The following FAM117A variants were observed in gnomAD, a reference collection of about 807,000 sequenced individuals.
The protein encoded by FAM117A is family with sequence similarity 117 member A, also known as protein FAM117A.
A neutral mutation model predicts 44.1 loss-of-function variants in FAM117A; 21 were observed. That is an observed-to-expected ratio of 0.48 (90% CI 0.34 to 0.69). FAM117A has a LOEUF of 0.69. FAM117A is among the 30% of genes least tolerant of loss of function. FAM117A has a pLI of 0.01. For synonymous variants in FAM117A, 220 were observed against 238.3 expected (o/e 0.92, Z 0.71); for missense variants, 498 against 589.9 (o/e 0.84, Z 1.61).
intron 1 of FAM117A, among the ~76,000 whole-genome samples, chr17:49,762,453 G>C (rs1015840969): frequency 6.6e-6 from 1 of 152,216 alleles, no homozygotes; most frequent in Non-Finnish European, 1.5e-5. Context: ...ATTTGACCAA[G>C]TTTCTGCATC....
chr17:49,725,688 G>A (rs553266096), intron 2 of FAM117A, among the ~76,000 whole-genome samples: 1 of 152,340 alleles, frequency 6.6e-6, no homozygotes, highest in African/African-American at 2.4e-5. Context: ...AGTGTGGCTG[G>A]AGCAGAGTGT....
At chr17:49,726,707 T>G (rs940412537) in intron 2 of FAM117A, among the ~76,000 whole-genome samples, 8 of 152,118 alleles carry the variant, frequency 5.3e-5, no homozygotes, top group Admixed American at 5.2e-4. Context: ...CCAGGTGCGG[T>G]GGCTCATGCC....
At chr17:49,773,077 G>A (rs910472840) in intron 1 of FAM117A, among the ~76,000 whole-genome samples, 1 of 150,534 alleles carries the variant, frequency 6.6e-6, no homozygotes, top group Non-Finnish European at 1.5e-5. Flanking sequence ...AGGCTGAGGC[G>A]AGTGGATCAC....
chr17:49,782,458 A>C (rs1219532324), intron 1 of FAM117A, among the ~76,000 whole-genome samples: 1 of 151,430 alleles, frequency 6.6e-6, no homozygotes, highest in Non-Finnish European at 1.5e-5. Flanking sequence ...GGGAGGCCAA[A>C]GCGGGTAGAT....
intron 1 of FAM117A, among the ~76,000 whole-genome samples, chr17:49,788,149 C>T (rs1373764042): frequency 6.6e-6 from 1 of 152,218 alleles, no homozygotes; most frequent in Non-Finnish European, 1.5e-5. Context: ...TCTCCTCTAC[C>T]AGACAGGAAA....
chr17:49,760,762 T>C (rs2073719618), intron 1 of FAM117A, among the ~76,000 whole-genome samples: 1 of 152,212 alleles, frequency 6.6e-6, no homozygotes, highest in Admixed American at 6.5e-5. Flanking sequence ...AGTCCTATTT[T>C]GTCCTTCATC....
At chr17:49,763,868 G>T in intron 1 of FAM117A, 24 bp downstream of exon 1, 1 of 1,072,510 alleles carries the variant, frequency 9.3e-7, no homozygotes, top group Non-Finnish European at 1.1e-6. Flanking sequence ...TCCTTCCACG[G>T]CACCCGCTCC....
chr17:49,753,260 G>C (rs1056685313), intron 1 of FAM117A, among the ~76,000 whole-genome samples: 6 of 152,238 alleles, frequency 3.9e-5, no homozygotes, highest in Admixed American at 3.9e-4. Context: ...TGCTGGGCAG[G>C]TGGCAGTGGA....
chr17:49,787,987 T>C (rs1409039274), intron 1 of FAM117A, among the ~76,000 whole-genome samples: 1 of 152,114 alleles, frequency 6.6e-6, no homozygotes, highest in Non-Finnish European at 1.5e-5. Flanking sequence ...CCCCCAGTGG[T>C]CTCAAACCCA....
chr17:49,756,847 G>A (rs1162892886), intron 1 of FAM117A, among the ~76,000 whole-genome samples: 1 of 151,432 alleles, frequency 6.6e-6, no homozygotes, highest in African/African-American at 2.4e-5. Flanking sequence ...ACCCAGAGAG[G>A]TGGAGGTTTC....
intron 1 of FAM117A, among the ~76,000 whole-genome samples, chr17:49,779,591 C>G (rs2073784161): frequency 6.6e-6 from 1 of 152,208 alleles, no homozygotes; most frequent in Non-Finnish European, 1.5e-5. Context: ...ATGTGTACCC[C>G]CCATTTAAAT....
intron 1 of FAM117A, among the ~76,000 whole-genome samples, chr17:49,751,055 G>A (rs1348887789): frequency 6.6e-6 from 1 of 151,284 alleles, no homozygotes; most frequent in African/African-American, 2.4e-5. Flanking sequence ...CGAGGCAGGC[G>A]GATCACCTGA....
intron 2 of FAM117A, among the ~76,000 whole-genome samples, chr17:49,727,716 C>T (rs1463772066): frequency 6.6e-6 from 1 of 152,168 alleles, no homozygotes; most frequent in Non-Finnish European, 1.5e-5. Flanking sequence ...AGCTGAAAAC[C>T]CTCCAAACTG....
upstream of FAM117A, chr17:49,788,885 A>G: frequency 3.2e-6 from 5 of 1,556,070 alleles, no homozygotes; most frequent in Non-Finnish European, 4.4e-6. Flanking sequence ...CGGGTTTCTA[A>G]GGACAGTCGA....
chr17:49,784,853 G>A (rs2073800879), intron 1 of FAM117A, among the ~76,000 whole-genome samples: 1 of 152,190 alleles, frequency 6.6e-6, no homozygotes, highest in Non-Finnish European at 1.5e-5. Context: ...GGGGAAAGTT[G>A]GTGTTTTGTC....
chr17:49,726,057 G>A (rs1482165101), intron 2 of FAM117A, among the ~76,000 whole-genome samples: 4 of 152,152 alleles, frequency 2.6e-5, no homozygotes, highest in Non-Finnish European at 5.9e-5. Flanking sequence ...TCTCAGCCCA[G>A]TGAAACAGAA....
chr17:49,763,123 T>TACACGC (rs1555598374), intron 1 of FAM117A, among the ~76,000 whole-genome samples: 1 of 141,068 alleles, frequency 7.1e-6, no homozygotes, highest in Non-Finnish European at 1.5e-5. Flanking sequence ...TCCCCCCCGC[T>TACACGC]ACACACACAC....
intron 1 of FAM117A, among the ~76,000 whole-genome samples, chr17:49,734,553 C>T (rs2073602082): frequency 6.6e-6 from 1 of 151,988 alleles, no homozygotes; most frequent in Admixed American, 6.6e-5. Flanking sequence ...GATAGCGCCA[C>T]TGCAGTCCAG....
chr17:49,732,793 CTAAGAGATGTGG>C (rs950125869), intron 1 of FAM117A, 73 bp from the exon 2 acceptor site: 2 of 1,502,280 alleles, frequency 1.3e-6, no homozygotes, highest in Admixed American at 1.9e-5. Context: ...CCTTCCTCTT[CTAAGAGATGTGG>C]CCTGCCTGCC....
Sources: gnomAD v4.1 joint callset for allele counts (sites outside exome capture counted in the v4.1 genomes callset) on GRCh38, gnomAD v4.1.1 for gene constraint, MANE v1.5 for transcripts, NCBI Gene and HGNC (gene_info 2026-07-23, HGNC 2026-07-21) for gene names.